The following MEI1 variants were observed in gnomAD, a reference collection of about 807,000 sequenced individuals.
The protein encoded by MEI1 is meiotic double-stranded break formation protein 1.
Under a neutral mutation model 146.2 loss-of-function variants are expected in MEI1, and 103 were observed. The ratio of observed to expected loss-of-function variants is 0.70; its 90% confidence interval spans 0.60 to 0.83. The LOEUF is 0.83. Ranked by LOEUF, MEI1 falls within the 40% of genes least tolerant of loss-of-function variation. MEI1 has a pLI of 0.00. For synonymous variants in MEI1, 652 were observed against 628.2 expected (o/e 1.04, Z -0.57); for missense variants, 1,529 against 1,533.0 (o/e 1.00, Z 0.04).
chr22:41,779,439 G>A (rs1050404133), intron 22 of MEI1, among the ~76,000 whole-genome samples: 1 of 152,140 alleles, frequency 6.6e-6, no homozygotes, highest in Non-Finnish European at 1.5e-5. Flanking sequence ...GGGCAATGGA[G>A]TGAGACCTCG....
intron 11 of MEI1, among the ~76,000 whole-genome samples, chr22:41,741,817 G>A (rs1201289339): frequency 2.6e-5 from 4 of 152,024 alleles, no homozygotes; most frequent in African/African-American, 4.8e-5. Flanking sequence ...GGTGGCGTGC[G>A]CCTGTAGTCC....
chr22:41,722,876 G>C (rs1286960451), intron 6 of MEI1, among the ~76,000 whole-genome samples: 1 of 152,028 alleles, frequency 6.6e-6, no homozygotes, highest in Non-Finnish European at 1.5e-5. Context: ...GGAACACTTT[G>C]GTGACTTACC....
chr22:41,723,841 A>G, intron 6 of MEI1, 102 bp from the exon 7 acceptor site: 1 of 1,359,022 alleles, frequency 7.4e-7, no homozygotes, highest in Middle Eastern at 1.9e-4. Context: ...ATATTTGTAG[A>G]GGGATGAAGA....
At chr22:41,761,592 G>T (rs1025833292) in intron 18 of MEI1, among the ~76,000 whole-genome samples, 2 of 152,030 alleles carry the variant, frequency 1.3e-5, no homozygotes, top group South Asian at 2.1e-4. Context: ...GGGATTACAG[G>T]CGTGAGCCAC....
intron 28 of MEI1, among the ~76,000 whole-genome samples, chr22:41,794,944 A>G (rs2076309637): frequency 6.6e-6 from 1 of 152,250 alleles, no homozygotes; most frequent in Non-Finnish European, 1.5e-5. Flanking sequence ...GTGGATCATC[A>G]ACAAGTACAT....
intron 11 of MEI1, among the ~76,000 whole-genome samples, chr22:41,739,582 A>G (rs1035390864): frequency 7.2e-6 from 1 of 139,038 alleles, no homozygotes; most frequent in East Asian, 1.9e-4. Flanking sequence ...TTTACGTGAC[A>G]GTGACTTCAG....
At position 41,763,281 on chromosome 22, in the gene MEI1, T is replaced by A; in HGVS notation, c.2228T>A (p.Leu743Gln). 2 of 1,614,000 alleles carry A rather than the reference T, an allele frequency of 1.2e-6. No individual in the cohort carries two copies. The highest frequency in any genetic ancestry group is 2.2e-5 in the South Asian group (2 of 91,082). ...GTGGTCTTCAAAGCCTCCATCTATC[T>A]GCTTGCAATCTGCCAGGACAAAGAC... ...PLVVFKASIY[L>Q]LAICQDKDNT... Residue 743 changes from leucine to glutamine, a missense_variant, in exon 19 of 31, where the codon CTG (leucine) becomes CAG (glutamine). By Grantham distance (113) the Leu-to-Gln change is moderately radical. Coordinates refer to ENST00000401548, the MANE Select transcript of MEI1 (RefSeq NM_152513.4).
chr22:41,780,334 C>G (rs1228607210), intron 22 of MEI1, among the ~76,000 whole-genome samples: 1 of 151,984 alleles, frequency 6.6e-6, no homozygotes, highest in African/African-American at 2.4e-5. Flanking sequence ...GGGTGAGCAC[C>G]GAAGTCAGGG....
rs761745238 is a variant in MEI1 at position 41,784,463 on chromosome 22, T to C, written c.3169+43T>C. 5.4e-5 allele frequency: 87 copies of C among 1,607,756 alleles called. No individual in the cohort carries two copies. The East Asian group carries it at 1.5e-3, about 28-fold the overall frequency. ...TCCAGCAGAAGAAAAGCTTTTTCCCTAGGTTTTCAGATAAGACCAGCACCC... is the reference window on the plus strand; with the variant it reads ...TCCAGCAGAAGAAAAGCTTTTTCCCCAGGTTTTCAGATAAGACCAGCACCC... On this transcript the variant is annotated intron_variant, in intron 25 of 30. Coordinates refer to ENST00000401548, the MANE Select transcript of MEI1 (RefSeq NM_152513.4).
intron 26 of MEI1, among the ~76,000 whole-genome samples, chr22:41,792,879 T>C (rs2148242899): frequency 6.7e-6 from 1 of 150,286 alleles, no homozygotes; most frequent in Non-Finnish European, 1.5e-5. Context: ...TTCATGTGCT[T>C]ATTAGAGCAT....
chr22:41,714,139 C>G, intron 4 of MEI1, 64 bp downstream of exon 4: 1 of 1,452,398 alleles, frequency 6.9e-7, no homozygotes, highest in Non-Finnish European at 9.5e-7. Context: ...CTGGGTCAAC[C>G]CTTTGAACAA....
Position 41,799,243 on chromosome 22 carries a change from T to G in MEI1, c.3780-11T>G, listed in dbSNP as rs746486325. On this transcript the variant is annotated splice_polypyrimidine_tract_variant and intron_variant, in intron 30 of 30. Transcript: ENST00000401548. ...CTTCTCTGCTGTTTTCCTCTCATGTTTTGCTGCCAGCTGCCTGGGAGGGGT... is the reference window on the plus strand; with the variant it reads ...CTTCTCTGCTGTTTTCCTCTCATGTGTTGCTGCCAGCTGCCTGGGAGGGGT... 6.2e-7 allele frequency: 1 copy of G among 1,613,036 alleles called. No homozygotes were observed. Among genetic ancestry groups the G allele is most frequent in the Non-Finnish European group, 8.5e-7 (1 of 1,179,280 alleles).
Position 41,770,952 on chromosome 22 carries a change from C to G in MEI1, c.2535C>G (p.Leu845=). ...TCAGAAGCATCCCCAGCATCCTGCT[C>G]ATCTTGCTGGTAGGCAACCACTCAT... ...QLLRSIPSIL[L]ILLDLIYSSP... Residue 845 remains leucine, a synonymous_variant, in exon 20 of 31, where the codon CTC becomes CTG. Transcript: ENST00000401548. 4 of 1,612,858 alleles carry G rather than the reference C, an allele frequency of 2.5e-6. No individual in the cohort carries two copies. Among genetic ancestry groups the G allele is most frequent in the Non-Finnish European group, 3.4e-6 (4 of 1,179,218 alleles).
intron 4 of MEI1, among the ~76,000 whole-genome samples, chr22:41,715,557 G>A (rs370487286): frequency 5.3e-5 from 8 of 151,966 alleles, no homozygotes; most frequent in Non-Finnish European, 7.4e-5. Flanking sequence ...CACCACACCC[G>A]GCTAATTTTT....
At chr22:41,710,630 C>T (rs1982735637) in intron 3 of MEI1, among the ~76,000 whole-genome samples, 1 of 152,166 alleles carries the variant, frequency 6.6e-6, no homozygotes, top group Admixed American at 6.5e-5. Context: ...GGGATAAGGG[C>T]AGTGAATTTT....
chr22:41,725,204 C>T (rs921267090), intron 7 of MEI1, among the ~76,000 whole-genome samples: 1 of 152,014 alleles, frequency 6.6e-6, no homozygotes, highest in African/African-American at 2.4e-5. Flanking sequence ...CTCCGCCCCC[C>T]AGGCTCAAGC....
In MEI1 at chr22:41,699,603, T is replaced by C; in HGVS notation, c.65T>C (p.Leu22Pro). 1 of 1,612,590 alleles carries C rather than the reference T, an allele frequency of 6.2e-7. No individual in the cohort carries two copies. The highest frequency in any genetic ancestry group is 8.5e-7 in the Non-Finnish European group (1 of 1,179,412). ...PGPRREEEAA[L>P]LFERAHYRHD... Reference sequence around the variant, plus strand: ...CCCAGGAGAGAGGAAGAGGCGGCGCTTCTATTCGAGAGGGCCCATTACCGG... The same window carrying C: ...CCCAGGAGAGAGGAAGAGGCGGCGCCTCTATTCGAGAGGGCCCATTACCGG... Residue 22 changes from leucine (L) to proline (P), a missense_variant, in exon 1 of 31, where the codon CTT (leucine) becomes CCT (proline). By Grantham distance (98) the Leu-to-Pro change is moderately conservative (BLOSUM62 -3). Transcript: ENST00000401548.
intron 21 of MEI1, among the ~76,000 whole-genome samples, chr22:41,777,600 T>A (rs1475191669): frequency 6.6e-6 from 1 of 152,214 alleles, no homozygotes; most frequent in Admixed American, 6.5e-5. Context: ...CTGATAATAC[T>A]GGTTAAGAAC....
At chr22:41,723,554 T>A (rs886970494) in intron 6 of MEI1, among the ~76,000 whole-genome samples, 1 of 152,038 alleles carries the variant, frequency 6.6e-6, no homozygotes, top group Non-Finnish European at 1.5e-5. Context: ...CCTACAGGAG[T>A]GTATGCTCCC....
Sources: gnomAD v4.1 joint callset for allele counts (sites outside exome capture counted in the v4.1 genomes callset) on GRCh38, gnomAD v4.1.1 for gene constraint, MANE v1.5 for transcripts, NCBI Gene and HGNC (gene_info 2026-07-23, HGNC 2026-07-21) for gene names.